The following CNTNAP2 variants were observed in gnomAD, a reference collection of about 807,000 sequenced individuals.
CNTNAP2 encodes the protein contactin-associated protein-like 2.
CNTNAP2 carries 98 observed loss-of-function variants against 155.2 expected under a neutral mutation model. The observed-to-expected ratio is 0.63, with a 90% confidence interval of 0.54 to 0.75. The LOEUF (loss-of-function observed/expected upper bound fraction) is 0.75. Among genes scored for constraint, CNTNAP2 ranks in the 30% least tolerant of loss-of-function variants. CNTNAP2 has a pLI of 0.00. For missense variants in CNTNAP2, 1,727 were observed against 1,688.1 expected, an observed-to-expected ratio of 1.02 and a Z score of -0.40; for synonymous variants, 651 against 631.2, an observed-to-expected ratio of 1.03 and a Z score of -0.47.
chr7:148,251,969 C>T (rs1421308523), intron 20 of CNTNAP2, among the ~76,000 whole-genome samples: 1 of 152,234 alleles, frequency 6.6e-6, no homozygotes, highest in Non-Finnish European at 1.5e-5. Context: ...CAGAATCCAT[C>T]TTCTTTACCT....
chr7:146,527,505 T>C lies in CNTNAP2; in HGVS notation c.98-246766T>C, dbSNP rs145664684. 5.6e-3 allele frequency among the ~76,000 whole-genome samples: 836 copies of C among 150,158 alleles called. 13 individuals are homozygous for C. The highest frequency in any genetic ancestry group is 0.019 in the African/African-American group (759 of 39,792). ...CAGGCTCAATGTCATATGTCTGGAA[T>C]TTATCTTTACACAGATGGTATTTGT... On this transcript the variant is annotated intron_variant, in intron 1 of 23. Coordinates refer to ENST00000361727, the MANE Select transcript of CNTNAP2 (RefSeq NM_014141.6).
intron 18 of CNTNAP2, among the ~76,000 whole-genome samples, chr7:148,199,082 G>T: frequency 6.6e-6 from 1 of 152,152 alleles, no homozygotes; most frequent in East Asian, 1.9e-4. Flanking sequence ...GGGAGGTGGA[G>T]TTCATAGAGG....
intron 14 of CNTNAP2, among the ~76,000 whole-genome samples, chr7:147,917,537 C>T (rs1308981223): frequency 6.6e-6 from 1 of 152,176 alleles, no homozygotes; most frequent in African/African-American, 2.4e-5. Context: ...GGAAAGAGAG[C>T]ATGCCTTTTC....
intron 1 of CNTNAP2, among the ~76,000 whole-genome samples, chr7:146,711,752 C>T (rs1801078958): frequency 7.0e-6 from 1 of 142,334 alleles, no homozygotes; most frequent in Non-Finnish European, 1.5e-5. Context: ...GTATACACAT[C>T]TTATGTATAC....
chr7:148,098,149 A>G (rs536870343), intron 15 of CNTNAP2, among the ~76,000 whole-genome samples: 4 of 152,172 alleles, frequency 2.6e-5, no homozygotes, highest in Non-Finnish European at 4.4e-5. Flanking sequence ...CAAGCTTGGT[A>G]CTTTAAAGAA....
intron 15 of CNTNAP2, among the ~76,000 whole-genome samples, chr7:148,055,773 G>GC (rs1025259655): frequency 6.6e-6 from 1 of 151,954 alleles, no homozygotes; most frequent in Admixed American, 6.6e-5. Context: ...AGAAGGAAAA[G>GC]CATTGCAGTA....
intron 20 of CNTNAP2, among the ~76,000 whole-genome samples, chr7:148,259,600 A>T (rs545591073): frequency 1.3e-5 from 2 of 152,278 alleles, no homozygotes; most frequent in Admixed American, 1.3e-4. Flanking sequence ...ATCTCAGGAG[A>T]TGGGGCCCGG....
At chr7:146,379,222 A>G (rs1795347528) in intron 1 of CNTNAP2, among the ~76,000 whole-genome samples, 1 of 152,176 alleles carries the variant, frequency 6.6e-6, no homozygotes, top group Non-Finnish European at 1.5e-5. Context: ...GAGTAAAGGT[A>G]ATTGTTTGAG....
chr7:147,172,436 T>A (rs1392378871), intron 8 of CNTNAP2, among the ~76,000 whole-genome samples: 1 of 152,196 alleles, frequency 6.6e-6, no homozygotes, highest in African/African-American at 2.4e-5. Context: ...TTAATATTAT[T>A]GATTCTAAAA....
chr7:147,660,087 G>A (rs1024340037), intron 13 of CNTNAP2, among the ~76,000 whole-genome samples: 1 of 152,168 alleles, frequency 6.6e-6, no homozygotes, highest in African/African-American at 2.4e-5. Context: ...CTATTTAAGA[G>A]CTGTGCAAAG....
chr7:146,872,085 G>A (rs1024667540), intron 3 of CNTNAP2, among the ~76,000 whole-genome samples: 6 of 150,658 alleles, frequency 4.0e-5, no homozygotes, highest in African/African-American at 1.5e-4. Flanking sequence ...AACTATTATG[G>A]TTTTATCAAT....
intron 1 of CNTNAP2, among the ~76,000 whole-genome samples, chr7:146,682,645 T>C (rs1475914666): frequency 6.6e-6 from 1 of 152,134 alleles, no homozygotes; most frequent in African/African-American, 2.4e-5. Flanking sequence ...AAGCAAAAGA[T>C]CTAATGTAAC....
At chr7:147,098,293 T>G (rs2129276658) in intron 4 of CNTNAP2, among the ~76,000 whole-genome samples, 1 of 152,298 alleles carries the variant, frequency 6.6e-6, no homozygotes, top group East Asian at 1.9e-4. Flanking sequence ...AATCTTCCAA[T>G]TCTCACCCTG....
intron 13 of CNTNAP2, among the ~76,000 whole-genome samples, chr7:147,676,393 GACAA>G (rs1477220250): frequency 3.3e-5 from 5 of 151,836 alleles, no homozygotes; most frequent in Admixed American, 2.0e-4. Flanking sequence ...TTTGCTAATT[GACAA>G]ACAAAATTGT....
chr7:146,384,718 A>G (rs1487098571), intron 1 of CNTNAP2, among the ~76,000 whole-genome samples: 1 of 152,138 alleles, frequency 6.6e-6, no homozygotes, highest in Non-Finnish European at 1.5e-5. Flanking sequence ...TTAAAAAAAA[A>G]TGTACATACA....
intron 1 of CNTNAP2, 40 bp downstream of exon 1, chr7:146,117,013 A>G (rs1443403501): frequency 6.6e-7 from 1 of 1,512,514 alleles, no homozygotes; most frequent in African/African-American, 1.4e-5. Context: ...GAGCAGTTTC[A>G]GTGCGGCATT....
intron 13 of CNTNAP2, among the ~76,000 whole-genome samples, chr7:147,858,666 CT>C (rs1799084778): frequency 6.6e-6 from 1 of 152,118 alleles, no homozygotes; most frequent in African/African-American, 2.4e-5. Flanking sequence ...AATTCAATGA[CT>C]GGTATCCTCA....
At chr7:146,362,314 T>G (rs895949384) in intron 1 of CNTNAP2, among the ~76,000 whole-genome samples, 1 of 152,118 alleles carries the variant, frequency 6.6e-6, no homozygotes, top group Non-Finnish European at 1.5e-5. Context: ...CACACATAAA[T>G]TATTACATTG....
intron 1 of CNTNAP2, among the ~76,000 whole-genome samples, chr7:146,586,904 T>C (rs746477618): frequency 1.3e-4 from 20 of 152,328 alleles, no homozygotes; most frequent in Non-Finnish European, 2.8e-4. Context: ...GTCAGGGTCA[T>C]TTTTGCTATG....
Sources: gnomAD v4.1 joint callset for allele counts (sites outside exome capture counted in the v4.1 genomes callset) on GRCh38, gnomAD v4.1.1 for gene constraint, MANE v1.5 for transcripts, NCBI Gene and HGNC (gene_info 2026-07-23, HGNC 2026-07-21) for gene names.